KIAA0825: variants seen among roughly 807,000 people sequenced by gnomAD.
The protein encoded by KIAA0825 is uncharacterized protein KIAA0825.
A neutral mutation model predicts 147.6 loss-of-function variants in KIAA0825; 119 were observed. That is an observed-to-expected ratio of 0.81 (90% CI 0.69 to 0.94). The LOEUF (loss-of-function observed/expected upper bound fraction) is 0.94, where lower values mean the gene tolerates loss of function less well. Among genes scored for constraint, KIAA0825 ranks in the 40% least tolerant of loss-of-function variants. The pLI is 0.00. For missense variants in KIAA0825, 1,381 were observed against 1,472.7 expected, an observed-to-expected ratio of 0.94 and a Z score of 1.02; for synonymous variants, 470 against 518.1, an observed-to-expected ratio of 0.91 and a Z score of 1.26.
intron 20 of KIAA0825, among the ~76,000 whole-genome samples, chr5:94,370,708 C>G (rs1746569611): frequency 6.6e-6 from 1 of 152,032 alleles, no homozygotes. Context: ...AGATCGAGAT[C>G]ATCCTGGCTA....
At chr5:94,442,473 C>T (rs1045944446) in intron 13 of KIAA0825, among the ~76,000 whole-genome samples, 2 of 152,100 alleles carry the variant, frequency 1.3e-5, no homozygotes, top group Non-Finnish European at 2.9e-5. Context: ...TCTGAACATC[C>T]CAGGAGTTCT....
Position 94,523,980 on chromosome 5 carries a change from C to A in KIAA0825, c.250G>T (p.Glu84Ter). Residue 84 changes from glutamate to a stop codon, truncating the protein, a stop_gained, in exon 4 of 21, where the codon GAA becomes TAA. Transcript: ENST00000682413. LOFTEE classifies it high-confidence loss of function. ...WLTNYNYSTS[E>*]SSFISHGDLI... ...TCTCCATGAGAAATGAAAGATGATT[C>A]AGATGTACTGTAATTATAGTTAGTT... 6.2e-7 allele frequency: 1 copy of A among 1,606,062 alleles called. No individual in the cohort carries two copies. Among genetic ancestry groups the A allele is most frequent in the Non-Finnish European group, 8.5e-7 (1 of 1,175,314 alleles).
intron 5 of KIAA0825, among the ~76,000 whole-genome samples, chr5:94,499,972 A>G (rs190138069): frequency 3.3e-5 from 5 of 152,298 alleles, no homozygotes; most frequent in Admixed American, 1.3e-4. Flanking sequence ...TCTTAGAAGA[A>G]ATGACACATG....
chr5:94,289,786 T>A (rs1279361196), intron 20 of KIAA0825, among the ~76,000 whole-genome samples: 1 of 151,984 alleles, frequency 6.6e-6, no homozygotes, highest in Non-Finnish European at 1.5e-5. Flanking sequence ...ACGTCTGCAA[T>A]CCCACTACTT....
chr5:94,512,391 T>G (rs1766616002), intron 5 of KIAA0825, among the ~76,000 whole-genome samples: 2 of 151,802 alleles, frequency 1.3e-5, no homozygotes, highest in African/African-American at 4.8e-5. Flanking sequence ...AAGCAAAAAT[T>G]TAGGGATTAA....
intron 20 of KIAA0825, among the ~76,000 whole-genome samples, chr5:94,238,515 G>A (rs1272041936): frequency 6.6e-6 from 1 of 152,140 alleles, no homozygotes. Flanking sequence ...CATAAGTTAA[G>A]AGTTTTGGTT....
At chr5:94,229,602 G>A (rs543074116) in intron 20 of KIAA0825, among the ~76,000 whole-genome samples, 16 of 151,198 alleles carry the variant, frequency 1.1e-4, no homozygotes, top group Admixed American at 5.9e-4. Flanking sequence ...TTATTTGGGC[G>A]TTAGGAAGAC....
rs185388909 is a variant in KIAA0825, at chr5:94,483,948, A to T, written c.1132+821T>A. ...AGATGCAGCAAATATATATATATAT[A>T]TTTACACTCCTTAGAATGGCATATG... On this transcript the variant is annotated intron_variant, in intron 6 of 20. Transcript: ENST00000682413. 5.5e-3 allele frequency among the ~76,000 whole-genome samples: 839 copies of T among 151,604 alleles called. 8 individuals are homozygous for T. The highest frequency in any genetic ancestry group is 0.027 in the Middle Eastern group (8 of 294).
intron 20 of KIAA0825, among the ~76,000 whole-genome samples, chr5:94,299,141 T>C (rs566217630): frequency 6.6e-6 from 1 of 152,286 alleles, no homozygotes; most frequent in South Asian, 2.1e-4. Flanking sequence ...TTGAGTTCCA[T>C]ACAAGCTAAA....
At chr5:94,166,752 C>T (rs987610687) in intron 20 of KIAA0825, among the ~76,000 whole-genome samples, 1 of 151,928 alleles carries the variant, frequency 6.6e-6, no homozygotes, top group Non-Finnish European at 1.5e-5. Flanking sequence ...AGGTGATCCA[C>T]CTGCCTCAGC....
chr5:94,370,492 G>A (rs1350355562), intron 20 of KIAA0825, among the ~76,000 whole-genome samples: 2 of 152,118 alleles, frequency 1.3e-5, no homozygotes, highest in Non-Finnish European at 2.9e-5. Flanking sequence ...GTGAGGAATG[G>A]AAAAATAAAA....
intron 5 of KIAA0825, among the ~76,000 whole-genome samples, chr5:94,493,650 G>A (rs112491447): frequency 0.011 from 1,673 of 152,100 alleles, 31 homozygotes; most frequent in African/African-American, 0.038. Context: ...CACCACGCCC[G>A]GCTAATTTTT....
chr5:94,231,898 T>G (rs1010581339), intron 20 of KIAA0825, among the ~76,000 whole-genome samples: 3 of 152,144 alleles, frequency 2.0e-5, no homozygotes, highest in Non-Finnish European at 2.9e-5. Flanking sequence ...GTGTATCTGG[T>G]TAGAGATATA....
At chr5:94,412,381 C>G (rs1190356936) in intron 15 of KIAA0825, among the ~76,000 whole-genome samples, 1 of 152,184 alleles carries the variant, frequency 6.6e-6, no homozygotes, top group Non-Finnish European at 1.5e-5. Context: ...CTGACTACTT[C>G]GTGAAACAGT....
chr5:94,343,891 T>C (rs1311029482), intron 20 of KIAA0825, among the ~76,000 whole-genome samples: 1 of 152,156 alleles, frequency 6.6e-6, no homozygotes, highest in African/African-American at 2.4e-5. Context: ...ACTATCCAAA[T>C]GCTCAATAAA....
intron 20 of KIAA0825, among the ~76,000 whole-genome samples, chr5:94,310,467 GACTT>G (rs1343146345): frequency 3.3e-5 from 5 of 151,578 alleles, no homozygotes; most frequent in African/African-American, 1.2e-4. Flanking sequence ...GTTCATATAT[GACTT>G]ACTTATATTT....
intron 5 of KIAA0825, among the ~76,000 whole-genome samples, chr5:94,485,544 C>T (rs1171189885): frequency 1.3e-5 from 2 of 151,674 alleles, no homozygotes; most frequent in East Asian, 3.9e-4. Context: ...AAGAGAATGT[C>T]TTTGTCTTTA....
At chr5:94,542,296 T>C (rs1461969533) in intron 2 of KIAA0825, among the ~76,000 whole-genome samples, 2 of 152,230 alleles carry the variant, frequency 1.3e-5, no homozygotes, top group Non-Finnish European at 2.9e-5. Flanking sequence ...TTTTAACATT[T>C]GGCTTAAAAT....
At chr5:94,593,386 C>CAACTTCTTTA in intron 1 of KIAA0825, 1 of 1,000,186 alleles carries the variant, frequency 1.0e-6, no homozygotes, top group Non-Finnish European at 1.6e-6. Flanking sequence ...AATATCACGA[C>CAACTTCTTTA]ATTTTCAAGA....
Sources: gnomAD v4.1 joint callset for allele counts (sites outside exome capture counted in the v4.1 genomes callset) on GRCh38, gnomAD v4.1.1 for gene constraint, MANE v1.5 for transcripts, NCBI Gene and HGNC (gene_info 2026-07-23, HGNC 2026-07-21) for gene names.